The following FGFR1 variants were observed in gnomAD, a reference collection of about 807,000 sequenced individuals.
FGFR1 encodes the protein fibroblast growth factor receptor 1.
A neutral mutation model predicts 93.7 loss-of-function variants in FGFR1; 18 were observed. The observed-to-expected ratio is 0.19, with a 90% CI of 0.13 to 0.28. FGFR1 has a LOEUF of 0.28. Among genes scored for constraint, FGFR1 ranks in the 10% least tolerant of loss-of-function variants. The pLI, the probability that FGFR1 is intolerant of heterozygous loss-of-function variation, is 1.00. For missense variants in FGFR1, 731 were observed against 1,080.4 expected (o/e 0.68, Z 4.53); for synonymous variants, 448 against 429.3 (o/e 1.04, Z -0.54).
intron 9 of FGFR1, among the ~76,000 whole-genome samples, chr8:38,419,257 A>T (rs1299357881): frequency 1.3e-5 from 2 of 152,020 alleles, no homozygotes; most frequent in Admixed American, 6.6e-5. Context: ...AATTCATGCT[A>T]TTGGCTGCAC....
At chr8:38,425,531 A>G (rs1820441489) in intron 6 of FGFR1, among the ~76,000 whole-genome samples, 1 of 152,176 alleles carries the variant, frequency 6.6e-6, no homozygotes, top group African/African-American at 2.4e-5. Context: ...ACTGGCTGAG[A>G]GATTCTGTAC....
intron 2 of FGFR1, among the ~76,000 whole-genome samples, chr8:38,450,271 G>A (rs1462773038): frequency 6.6e-6 from 1 of 152,180 alleles, no homozygotes; most frequent in Admixed American, 6.5e-5. Context: ...CCCCGTTCAG[G>A]AGCCCAGGAG....
rs550767512 is a variant in FGFR1, at chr8:38,440,238, C to G, written c.92-10290G>C. 1.9e-5 allele frequency: 27 copies of G among 1,393,984 alleles called. No individual in the cohort carries two copies. The African/African-American group carries it at 3.6e-4, about 18-fold the overall frequency. The allele number at this position is 1,393,984 out of a possible 1,614,324, so 86.4% of individuals were successfully genotyped here. A position where few individuals can be genotyped will look rare whatever the true frequency, so the allele number is the denominator to read the frequency against. ...AGGAGCACAGAACAGCGCAGCGGGG[C>G]TCCGGGGGCCCTCTGCAGAGGTTTT... On this transcript the variant is annotated intron_variant, in intron 2 of 17. Coordinates refer to ENST00000447712, the MANE Select transcript of FGFR1 (RefSeq NM_023110.3).
intron 2 of FGFR1, among the ~76,000 whole-genome samples, chr8:38,448,997 G>C (rs964045753): frequency 4.6e-5 from 7 of 152,116 alleles, no homozygotes; most frequent in Admixed American, 1.3e-4. Context: ...AACACTTTAG[G>C]AGGCTGAGGC....
rs1441971860 is a variant in FGFR1, at chr8:38,413,173, G to GGCACGA, written c.*449_*454dup. The GGCACGA allele has an allele frequency of 3.2e-5, 8 of 248,368 alleles. No individual in the cohort carries two copies. Among genetic ancestry groups the GGCACGA allele is most frequent in the African/African-American group, 1.7e-4 (8 of 45,724 alleles). The allele number at this position is 248,368 out of a possible 1,614,324, so 15.4% of individuals were successfully genotyped here. A position where few individuals can be genotyped will look rare whatever the true frequency, so the allele number is the denominator to read the frequency against. On this transcript the variant is annotated 3_prime_UTR_variant, in exon 18 of 18. Transcript: ENST00000447712. This position sits in a 1 kb window ranked among gnomAD's most constrained non-coding sequence, Gnocchi z 4.2. ...TGGGGCAGAGGTCACCTTCAATCGA[G>GGCACGA]GCACGAAGCACTGACCTCCCTACTG...
chr8:38,432,856 C>T (rs906974775), intron 2 of FGFR1, among the ~76,000 whole-genome samples: 5 of 151,896 alleles, frequency 3.3e-5, no homozygotes, highest in Admixed American at 2.0e-4. Flanking sequence ...TTGGCTTCCA[C>T]TCTCTCCACC....
rs748896706 is a variant in FGFR1, at chr8:38,429,818, C to T, written c.222G>A (p.Ala74=). The part of the protein sequence containing the change: ...INWLRDGVQL[A]ESNRTRITGE... ...CTGTGATGCGGGTGCGGTTGCTTTC[C>T]GCCAGCTGCACCCCGTCCCGCAGCC... Residue 74 remains alanine, a synonymous_variant, in exon 3 of 18, where the codon GCG becomes GCA. Coordinates refer to ENST00000447712, the MANE Select transcript of FGFR1 (RefSeq NM_023110.3). The surrounding 1 kb of genome is among the most constrained non-coding windows in gnomAD (Gnocchi z 4.4). 1.2e-5 allele frequency: 20 copies of T among 1,613,680 alleles called. No individual in the cohort carries two copies. Among genetic ancestry groups the T allele is most frequent in the East Asian group, 6.7e-5 (3 of 44,876 alleles).
chr8:38,428,588 G>C (rs906741206), intron 3 of FGFR1, 153 bp from the exon 4 acceptor site: 5 of 680,416 alleles, frequency 7.3e-6, no homozygotes, highest in Non-Finnish European at 1.3e-5. Flanking sequence ...GATGGAAACT[G>C]TTTAAGAACA....
At chr8:38,451,141 G>A (rs897527309) in intron 2 of FGFR1, among the ~76,000 whole-genome samples, 2 of 152,156 alleles carry the variant, frequency 1.3e-5, no homozygotes, top group African/African-American at 4.8e-5. Context: ...TTGCTCCATG[G>A]AATTCCATTC....
chr8:38,426,373 G>C lies in FGFR1; in HGVS notation c.622-128C>G. 1 of 1,365,140 alleles carries C rather than the reference G, an allele frequency of 7.3e-7. No homozygotes were observed. Among genetic ancestry groups the C allele is most frequent in the South Asian group, 1.2e-5 (1 of 85,526 alleles). The allele number at this position is 1,365,140 out of a possible 1,614,324, so 84.6% of individuals were successfully genotyped here. ...GGTGGCACAGGGCCCCAGGCTGCAG[G>C]GTTGGCTAGGACAAGGCGTGGATTG... On this transcript the variant is annotated intron_variant, in intron 5 of 17. Coordinates refer to ENST00000447712, the MANE Select transcript of FGFR1 (RefSeq NM_023110.3). This position sits in a 1 kb window ranked among gnomAD's most constrained non-coding sequence, Gnocchi z 4.1.
chr8:38,430,842 C>G (rs1481233212), intron 2 of FGFR1: 2 of 152,340 alleles, frequency 1.3e-5, no homozygotes, highest in Non-Finnish European at 2.9e-5. Context: ...CTGATACCAC[C>G]AAGAGCACCT....
intron 2 of FGFR1, among the ~76,000 whole-genome samples, chr8:38,438,611 A>G (rs985921789): frequency 1.3e-5 from 2 of 152,020 alleles, no homozygotes; most frequent in African/African-American, 4.8e-5. Context: ...ATTTGGGATT[A>G]GTCCAAGATG....
chr8:38,420,228 GCCT>G (rs1284121767), intron 8 of FGFR1: 1 of 178,066 alleles, frequency 5.6e-6, no homozygotes, highest in Non-Finnish European at 1.2e-5. Flanking sequence ...CAGGGTTGGT[GCCT>G]CGTTTATTTC....
chr8:38,464,357 G>C (rs2151464075), intron 1 of FGFR1, among the ~76,000 whole-genome samples: 1 of 149,242 alleles, frequency 6.7e-6, no homozygotes, highest in African/African-American at 2.5e-5. Context: ...AACACGAACT[G>C]CTGCACATAA....
rs1355656937 is a variant in FGFR1, at chr8:38,414,909, AGGAG to A, written c.1855-12_1855-9del. On this transcript the variant is annotated splice_polypyrimidine_tract_variant and intron_variant, in intron 13 of 17. Transcript: ENST00000447712. The stretch of plus-strand genomic sequence containing the variant: ...CAGGTCTCGGTGTATGCACTGAGGA[AGGAG>A]GAAGGGAGAGCGGGAGGCGGGGAGG... 3.1e-6 allele frequency: 5 copies of A among 1,611,738 alleles called. No individual in the cohort carries two copies. Among genetic ancestry groups the A allele is most frequent in the African/African-American group, 2.7e-5 (2 of 74,890 alleles).
At position 38,421,889 on chromosome 8, in the gene FGFR1, T is replaced by C. The variant is rs121909632; in HGVS notation, c.989A>G (p.Asn330Ser). The part of the protein sequence containing the change: ...DKEMEVLHLR[N>S]VSFEDAGEYT... ...CTCCCCTGCGTCCTCAAAGGAGACA[T>C]TTCTTAAGTGAAGCACCTCCATCTC... is the stretch of plus-strand genomic sequence containing the variant. The change falls in exon 8 of 18, where the codon AAT becomes AGT. Residue 330 changes from asparagine (N) to serine (S), a missense_variant. This residue lies in a region of FGFR1 where 109 missense variants were observed against 249.4 expected (regional missense o/e 0.44). Transcript: ENST00000447712. 2 of 1,614,086 alleles carry C rather than the reference T, an allele frequency of 1.2e-6. No individual in the cohort carries two copies.
chr8:38,437,286 C>A (rs1825780822), intron 2 of FGFR1, among the ~76,000 whole-genome samples: 1 of 152,196 alleles, frequency 6.6e-6, no homozygotes, highest in African/African-American at 2.4e-5. Context: ...ATCAACATAG[C>A]TACCATTAGG....
chr8:38,429,541 C>A lies in FGFR1; in HGVS notation c.358+141G>T. 2 of 984,030 alleles carry A rather than the reference C, an allele frequency of 2.0e-6. No individual in the cohort carries two copies. The highest frequency in any genetic ancestry group is 3.0e-5 in the South Asian group (2 of 66,102). The allele number at this position is 984,030 out of a possible 1,614,324, so 61.0% of individuals were successfully genotyped here. ...GCCAAGCCACGCGGCAGGCAGGGAG[C>A]AATGTTAGTGGGCAGCAGTTTCTGA... On this transcript the variant is annotated intron_variant, in intron 3 of 17. Coordinates refer to ENST00000447712, the MANE Select transcript of FGFR1 (RefSeq NM_023110.3). This position sits in a 1 kb window ranked among gnomAD's most constrained non-coding sequence, Gnocchi z 4.4.
chr8:38,418,104 T>C, intron 10 of FGFR1, 113 bp from the exon 11 acceptor site: 1 of 1,607,252 alleles, frequency 6.2e-7, no homozygotes, highest in Non-Finnish European at 8.5e-7. Context: ...GAAAGTGGAA[T>C]GAATGTTTCT....
Sources: allele counts gnomAD v4.1 joint callset (sites outside exome capture counted in the v4.1 genomes callset), GRCh38; gene constraint gnomAD v4.1.1; regional missense constraint gnomAD v4.1.1; non-coding constraint Gnocchi (gnomAD v3.1); transcripts MANE v1.5; gene names NCBI Gene and HGNC (gene_info 2026-07-23, HGNC 2026-07-21).